The following PTBP2 variants were observed in gnomAD, a reference collection of about 807,000 sequenced individuals.
PTBP2 encodes the protein polypyrimidine tract binding protein 2, also known as polypyrimidine tract-binding protein 2.
A neutral mutation model predicts 61.4 loss-of-function variants in PTBP2; 13 were observed. The observed-to-expected ratio is 0.21, with a 90% confidence interval of 0.14 to 0.34. PTBP2 has a LOEUF of 0.34. PTBP2 is among the 10% of genes least tolerant of loss of function. The pLI is 1.00. For missense variants in PTBP2, 405 were observed against 642.6 expected, an observed-to-expected ratio of 0.63 and a Z score of 4.00; for synonymous variants, 215 against 218.5, an observed-to-expected ratio of 0.98 and a Z score of 0.14.
intron 8 of PTBP2, among the ~76,000 whole-genome samples, chr1:96,793,319 T>C (rs1660042241): frequency 6.6e-6 from 1 of 152,188 alleles, no homozygotes. Context: ...GGAAAAAACA[T>C]TGGAAGAGCT....
intron 9 of PTBP2, among the ~76,000 whole-genome samples, chr1:96,805,212 G>T (rs775930079): frequency 6.6e-6 from 1 of 151,990 alleles, no homozygotes; most frequent in Non-Finnish European, 1.5e-5. Flanking sequence ...AAGTACTGTA[G>T]TTTGGCTTAT....
At chr1:96,780,417 T>A (rs1243768908) in intron 7 of PTBP2, among the ~76,000 whole-genome samples, 1 of 152,054 alleles carries the variant, frequency 6.6e-6, no homozygotes, top group African/African-American at 2.4e-5. Context: ...TGTTGTTTAT[T>A]ATCTCATTTC....
At chr1:96,746,102 T>C (rs1383114886) in intron 2 of PTBP2, among the ~76,000 whole-genome samples, 1 of 151,918 alleles carries the variant, frequency 6.6e-6, no homozygotes, top group Non-Finnish European at 1.5e-5. Flanking sequence ...AAAAAAAGAT[T>C]TTGACTTTAA....
At chr1:96,728,948 G>T (rs1323656897) in intron 2 of PTBP2, among the ~76,000 whole-genome samples, 1 of 151,798 alleles carries the variant, frequency 6.6e-6, no homozygotes, top group African/African-American at 2.4e-5. Context: ...CTAGTGTATA[G>T]AAATGATTAT....
chr1:96,822,159 A>G (rs965683701), exon 14 of PTBP2: 6 of 152,184 alleles, frequency 3.9e-5, no homozygotes, highest in African/African-American at 1.4e-4. Flanking sequence ...GAGATAAGTA[A>G]AGAATTATAT....
At chr1:96,775,812 G>A (rs190867905) in intron 5 of PTBP2, among the ~76,000 whole-genome samples, 3 of 152,086 alleles carry the variant, frequency 2.0e-5, no homozygotes, top group African/African-American at 4.8e-5. Context: ...ATAAAGAAAT[G>A]TATGAAGTAA....
chr1:96,797,793 A>T (rs1291949191), intron 8 of PTBP2, among the ~76,000 whole-genome samples: 1 of 152,222 alleles, frequency 6.6e-6, no homozygotes, highest in Non-Finnish European at 1.5e-5. Flanking sequence ...TGTATTGTTT[A>T]GGGAATAATG....
intron 7 of PTBP2, among the ~76,000 whole-genome samples, chr1:96,783,020 C>G (rs1314749821): frequency 6.6e-6 from 1 of 151,934 alleles, no homozygotes. Flanking sequence ...TGCAAATTAT[C>G]TTGAGCTTTT....
intron 3 of PTBP2, among the ~76,000 whole-genome samples, chr1:96,767,906 AAT>A (rs1223882646): frequency 4.6e-5 from 7 of 152,078 alleles, no homozygotes; most frequent in Non-Finnish European, 1.0e-4. Context: ...TTTTCAGGGC[AAT>A]ATATTCAGAA....
intron 7 of PTBP2, among the ~76,000 whole-genome samples, chr1:96,781,682 C>A (rs1658687377): frequency 6.6e-6 from 1 of 151,944 alleles, no homozygotes; most frequent in South Asian, 2.1e-4. Flanking sequence ...CTCAGTATCA[C>A]ACATAAAATT....
In PTBP2 at chr1:96,740,617, T is replaced by C. The variant is rs1017479155; in HGVS notation, c.40-10808T>C. 4.6e-5 allele frequency among the ~76,000 whole-genome samples: 7 copies of C among 152,198 alleles called. No homozygotes were observed. The East Asian group carries it at 1.3e-3, about 29-fold the overall frequency. ...TCTCCACTCCAGGTAATTACTATAC[T>C]AAATTTGATGTTTACCATTCCCATA... On this transcript the variant is annotated intron_variant, in intron 2 of 13. Transcript: ENST00000674951.
In PTBP2 at chr1:96,731,483, A is replaced by G. The variant is rs189618707; in HGVS notation, c.39+7889A>G. Among the ~76,000 whole-genome samples, 440 of 152,250 alleles carry G rather than the reference A, an allele frequency of 2.9e-3. 2 individuals carry two copies. Among genetic ancestry groups the G allele is most frequent in the African/African-American group, 0.01 (430 of 41,558 alleles). ...TTTGTGTACTGGACCTAGTTAATTC[A>G]AATATATATATTTGAATTAAGTGAT... On this transcript the variant is annotated intron_variant, in intron 2 of 13. Coordinates refer to ENST00000674951, the MANE Select transcript of PTBP2 (RefSeq NM_021190.4).
chr1:96,749,631 C>T (rs1654286093), intron 2 of PTBP2: 1 of 455,618 alleles, frequency 2.2e-6, no homozygotes, highest in Non-Finnish European at 4.4e-6. Flanking sequence ...AGTAACTTGA[C>T]CTTCAGTTTT....
intron 2 of PTBP2, among the ~76,000 whole-genome samples, chr1:96,747,667 G>C (rs914931884): frequency 1.1e-4 from 17 of 151,970 alleles, no homozygotes; most frequent in African/African-American, 4.1e-4. Flanking sequence ...AAATAAAAGA[G>C]TTTTTTTGTT....
At chr1:96,823,309 T>A (rs1212607397) in exon 14 of PTBP2, 2 of 152,266 alleles carry the variant, frequency 1.3e-5, no homozygotes, top group Non-Finnish European at 2.9e-5. Flanking sequence ...TAAGACTACT[T>A]AAAGCTGTGC....
At chr1:96,790,094 T>A (rs149584480) in intron 8 of PTBP2, among the ~76,000 whole-genome samples, 101 of 152,286 alleles carry the variant, frequency 6.6e-4, no homozygotes, top group African/African-American at 2.3e-3. Context: ...TCTCCCTCTC[T>A]CTACTCCCAA....
chr1:96,762,389 C>A (rs1379438489), intron 3 of PTBP2, among the ~76,000 whole-genome samples: 1 of 148,096 alleles, frequency 6.8e-6, no homozygotes, highest in Non-Finnish European at 1.5e-5. Flanking sequence ...GCTGGCCGGG[C>A]GGGGGGCTGA....
At chr1:96,738,522 C>A (rs1652547552) in intron 2 of PTBP2, among the ~76,000 whole-genome samples, 2 of 152,098 alleles carry the variant, frequency 1.3e-5, no homozygotes, top group African/African-American at 4.8e-5. Context: ...ATCCGCCCGC[C>A]TCGGAAATAC....
intron 11 of PTBP2, among the ~76,000 whole-genome samples, chr1:96,809,117 C>T (rs999142835): frequency 6.6e-6 from 1 of 151,894 alleles, no homozygotes; most frequent in Admixed American, 6.6e-5. Context: ...AGTGAAATAG[C>T]CTCAAAATAT....
Sources: gnomAD v4.1 joint callset for allele counts (sites outside exome capture counted in the v4.1 genomes callset) on GRCh38, gnomAD v4.1.1 for gene constraint, MANE v1.5 for transcripts, NCBI Gene and HGNC (gene_info 2026-07-23, HGNC 2026-07-21) for gene names.